The following PEAK1 variants were observed in gnomAD, a reference collection of about 807,000 sequenced individuals.
PEAK1 encodes the protein inactive tyrosine-protein kinase PEAK1.
Under a neutral mutation model 124.7 loss-of-function variants are expected in PEAK1, and 54 were observed. That is an observed-to-expected ratio of 0.43 (90% confidence interval 0.35 to 0.54). PEAK1 has a LOEUF of 0.54. Among genes scored for constraint, PEAK1 ranks in the 20% least tolerant of loss-of-function variants. The pLI is 0.01. For missense variants in PEAK1, 2,046 were observed against 2,134.5 expected (o/e 0.96, Z 0.82); for synonymous variants, 719 against 760.0 (o/e 0.95, Z 0.89).
chr15:77,418,513 T>C (rs765251795), intron 1 of PEAK1: 33 of 985,090 alleles, frequency 3.3e-5, no homozygotes, highest in Non-Finnish European at 4.0e-5. Flanking sequence ...TCTACTTCCA[T>C]TGTTCATCTC....
intron 2 of PEAK1, among the ~76,000 whole-genome samples, chr15:77,301,812 A>G (rs1431006719): frequency 6.6e-6 from 1 of 152,180 alleles, no homozygotes; most frequent in Admixed American, 6.5e-5. Flanking sequence ...TGAGGGTGGA[A>G]TGTCTAAGTA....
intron 2 of PEAK1, chr15:77,331,231 C>G (rs555309393): frequency 6.0e-6 from 1 of 167,682 alleles, no homozygotes; most frequent in African/African-American, 2.4e-5. Context: ...CTGGGCGCAA[C>G]TGATTCTCAT....
chr15:77,166,456 A>G (rs2056103625), intron 7 of PEAK1, among the ~76,000 whole-genome samples: 1 of 152,224 alleles, frequency 6.6e-6, no homozygotes, highest in Admixed American at 6.5e-5. Flanking sequence ...TCCACATGGC[A>G]GGATTATAAC....
At chr15:77,136,529 G>A (rs2053343855) in intron 8 of PEAK1, among the ~76,000 whole-genome samples, 1 of 152,016 alleles carries the variant, frequency 6.6e-6, no homozygotes, top group South Asian at 2.1e-4. Flanking sequence ...AGCCAGGTGT[G>A]GTGGCAGACA....
intron 7 of PEAK1, among the ~76,000 whole-genome samples, chr15:77,171,550 C>G (rs1246798551): frequency 6.6e-6 from 1 of 151,746 alleles, no homozygotes. Flanking sequence ...AAAGGATAGG[C>G]AGATATTTGT....
intron 2 of PEAK1, among the ~76,000 whole-genome samples, chr15:77,322,302 G>C (rs2065271163): frequency 6.6e-6 from 1 of 152,086 alleles, no homozygotes; most frequent in South Asian, 2.1e-4. Context: ...AGGAAATAGA[G>C]ACACAAAAAA....
At chr15:77,393,726 CCTT>C (rs972218008) in intron 1 of PEAK1, among the ~76,000 whole-genome samples, 2 of 152,150 alleles carry the variant, frequency 1.3e-5, no homozygotes, top group Non-Finnish European at 2.9e-5. Context: ...AGGAGAGACT[CCTT>C]CTGCTTAAGA....
At chr15:77,282,375 C>T (rs1348088133) in intron 5 of PEAK1, among the ~76,000 whole-genome samples, 1 of 152,098 alleles carries the variant, frequency 6.6e-6, no homozygotes, top group Admixed American at 6.5e-5. Flanking sequence ...TAATTTAATG[C>T]TAACGAATTT....
chr15:77,386,374 T>A (rs769783206), intron 1 of PEAK1, among the ~76,000 whole-genome samples: 5 of 152,224 alleles, frequency 3.3e-5, no homozygotes, highest in Non-Finnish European at 7.3e-5. Flanking sequence ...TATTTGAATT[T>A]TCATAGATTT....
At chr15:77,149,536 G>A (rs1328534465) in intron 8 of PEAK1, among the ~76,000 whole-genome samples, 1 of 152,072 alleles carries the variant, frequency 6.6e-6, no homozygotes, top group Non-Finnish European at 1.5e-5. Context: ...ATGACTTGTT[G>A]AACGTATTAA....
intron 1 of PEAK1, chr15:77,418,560 A>AAAATGTACCATAT: frequency 1.0e-6 from 1 of 985,176 alleles, no homozygotes; most frequent in Non-Finnish European, 1.2e-6. Context: ...TGAAGCCAAG[A>AAAATGTACCATAT]AAATGTACCA....
At chr15:77,323,144 G>C (rs916330365) in intron 2 of PEAK1, among the ~76,000 whole-genome samples, 2 of 152,116 alleles carry the variant, frequency 1.3e-5, no homozygotes, top group African/African-American at 4.8e-5. Context: ...AAAATAATAA[G>C]AGCTATCTAT....
intron 6 of PEAK1, among the ~76,000 whole-genome samples, chr15:77,212,061 A>G (rs1399220108): frequency 2.6e-5 from 4 of 152,124 alleles, no homozygotes; most frequent in Non-Finnish European, 4.4e-5. Flanking sequence ...GAAAGAACTA[A>G]TAACTATTGG....
chr15:77,401,565 A>C, intron 1 of PEAK1: 1 of 979,858 alleles, frequency 1.0e-6, no homozygotes. Context: ...ACTCAACACA[A>C]AAATTGTAGC....
At chr15:77,403,915 T>C (rs2071585887) in intron 1 of PEAK1, 1 of 981,180 alleles carries the variant, frequency 1.0e-6, no homozygotes, top group Non-Finnish European at 1.2e-6. Flanking sequence ...AATTTCCAAC[T>C]TTTAGGTTCA....
intron 2 of PEAK1, among the ~76,000 whole-genome samples, chr15:77,307,293 G>A (rs1383066913): frequency 6.6e-6 from 1 of 151,974 alleles, no homozygotes; most frequent in Non-Finnish European, 1.5e-5. Context: ...ACAATGTTTG[G>A]TTAAACCGTC....
At chr15:77,168,643 C>G (rs2056296776) in intron 7 of PEAK1, among the ~76,000 whole-genome samples, 2 of 152,176 alleles carry the variant, frequency 1.3e-5, no homozygotes, top group African/African-American at 4.8e-5. Flanking sequence ...AGGGGGCTCT[C>G]AGGATTGACT....
Position 77,142,197 on chromosome 15 carries a change from T to C in PEAK1, c.3332-8447A>G, listed in dbSNP as rs544223719. Among the ~76,000 whole-genome samples the C allele has an allele frequency of 1.9e-4, 29 of 152,320 alleles. 1 individual carries two copies. Among genetic ancestry groups the C allele is most frequent in the African/African-American group, 5.8e-4 (24 of 41,582 alleles). On this transcript the variant is annotated intron_variant, in intron 8 of 9. Coordinates refer to ENST00000682557, the MANE Select transcript of PEAK1 (RefSeq NM_001385026.1). ...TGCATAGCTATTTCTTCAAAGAAGA[T>C]ATATAAATGGCCAGTGTGTGTGGAA... is the stretch of plus-strand genomic sequence containing the variant.
At chr15:77,232,084 C>T (rs1001410683) in intron 6 of PEAK1, among the ~76,000 whole-genome samples, 5 of 152,176 alleles carry the variant, frequency 3.3e-5, no homozygotes, top group Non-Finnish European at 4.4e-5. Context: ...AATGTAGAGG[C>T]TTACTCCAAC....
Sources: allele counts gnomAD v4.1 joint callset (sites outside exome capture counted in the v4.1 genomes callset), GRCh38; gene constraint gnomAD v4.1.1; transcripts MANE v1.5; gene names NCBI Gene and HGNC (gene_info 2026-07-23, HGNC 2026-07-21).